The following NR3C2 variants were observed in gnomAD, a reference collection of about 807,000 sequenced individuals.
The protein encoded by NR3C2 is nuclear receptor subfamily 3 group C member 2.
In NR3C2, 15 loss-of-function variants were observed where a neutral mutation model predicts 86.4. That is an observed-to-expected ratio of 0.17 (90% CI 0.12 to 0.27). The LOEUF (loss-of-function observed/expected upper bound fraction) is 0.27. Among genes scored for constraint, NR3C2 ranks in the 10% least tolerant of loss-of-function variants. The probability of loss-of-function intolerance (pLI) is 1.00; values close to 1 mark genes in which losing one functional copy is unlikely to be tolerated. For missense variants in NR3C2, 960 were observed against 1,195.6 expected (o/e 0.80, Z 2.91); for synonymous variants, 458 against 450.5 (o/e 1.02, Z -0.21).
intron 8 of NR3C2, among the ~76,000 whole-genome samples, chr4:148,109,718 G>A (rs1169580573): frequency 6.6e-6 from 1 of 152,168 alleles, no homozygotes; most frequent in East Asian, 1.9e-4. Flanking sequence ...CAGGGGTCAG[G>A]TTGCTATCTT....
intron 4 of NR3C2, among the ~76,000 whole-genome samples, chr4:148,180,747 A>G (rs1560963523): frequency 1.3e-5 from 2 of 152,162 alleles, no homozygotes; most frequent in Non-Finnish European, 2.9e-5. Flanking sequence ...TTCTTTTTTC[A>G]GAAGCTGTTC....
intron 2 of NR3C2, among the ~76,000 whole-genome samples, chr4:148,320,030 T>C (rs187017268): frequency 8.5e-4 from 125 of 146,622 alleles, no homozygotes; most frequent in Non-Finnish European, 3.6e-4. Flanking sequence ...AGATAGCTCC[T>C]ATTATTTTGA....
At chr4:148,325,159 T>C (rs928320161) in intron 2 of NR3C2, among the ~76,000 whole-genome samples, 10 of 151,886 alleles carry the variant, frequency 6.6e-5, no homozygotes, top group Non-Finnish European at 1.3e-4. Flanking sequence ...AGACAGAGTG[T>C]GTGTGTGTGG....
chr4:148,095,891 T>C (rs1247693453), intron 8 of NR3C2, among the ~76,000 whole-genome samples: 1 of 152,212 alleles, frequency 6.6e-6, no homozygotes, highest in Non-Finnish European at 1.5e-5. Flanking sequence ...TAGCATCTGA[T>C]TGTTATTGAG....
intron 2 of NR3C2, among the ~76,000 whole-genome samples, chr4:148,420,955 G>T (rs1749252741): frequency 6.6e-6 from 1 of 152,148 alleles, no homozygotes; most frequent in African/African-American, 2.4e-5. Context: ...TGTACAGCCT[G>T]CAGAAGTACG....
intron 2 of NR3C2, among the ~76,000 whole-genome samples, chr4:148,377,709 T>C (rs1197139987): frequency 6.6e-6 from 1 of 152,182 alleles, no homozygotes; most frequent in Non-Finnish European, 1.5e-5. Context: ...TCATGGGAGC[T>C]TGAATACTAA....
At chr4:148,326,664 T>C (rs555326331) in intron 2 of NR3C2, among the ~76,000 whole-genome samples, 1 of 152,036 alleles carries the variant, frequency 6.6e-6, no homozygotes, top group South Asian at 2.1e-4. Flanking sequence ...CTTTAGGGCT[T>C]GCAGGATTTT....
At chr4:148,273,450 C>T (rs1228179205) in intron 2 of NR3C2, among the ~76,000 whole-genome samples, 1 of 152,112 alleles carries the variant, frequency 6.6e-6, no homozygotes, top group East Asian at 1.9e-4. Context: ...AATTACCAAG[C>T]TTTAAAGATT....
At chr4:148,403,614 A>G (rs1016658976) in intron 2 of NR3C2, among the ~76,000 whole-genome samples, 2 of 152,092 alleles carry the variant, frequency 1.3e-5, no homozygotes, top group African/African-American at 2.4e-5. Context: ...GCAGAGCCAG[A>G]TACTGATTTT....
At chr4:148,114,627 GGTCT>G (rs1732192065) in intron 7 of NR3C2, among the ~76,000 whole-genome samples, 1 of 152,192 alleles carries the variant, frequency 6.6e-6, no homozygotes, top group Non-Finnish European at 1.5e-5. Context: ...ATTCAACTTA[GGTCT>G]GTCTGTTTCC....
intron 3 of NR3C2, among the ~76,000 whole-genome samples, chr4:148,256,196 C>G (rs1310804138): frequency 6.6e-6 from 1 of 152,132 alleles, no homozygotes; most frequent in East Asian, 1.9e-4. Context: ...TCCACAGATC[C>G]CCATTCTCCA....
chr4:148,282,544 C>G lies in NR3C2; in HGVS notation c.1758-22427G>C, dbSNP rs199735604. Among the ~76,000 whole-genome samples, 5 of 152,240 alleles carry G rather than the reference C, an allele frequency of 3.3e-5. No homozygotes were observed. In the East Asian group the frequency reaches 9.6e-4, roughly 29 times the overall value. On this transcript the variant is annotated intron_variant, in intron 2 of 8. Coordinates refer to ENST00000358102, the MANE Select transcript of NR3C2 (RefSeq NM_000901.5). ...AAAGTCAGTCTATTCCTGCAACAAACATTCATTGAACAAGTTGTGTTAGCA... is the reference window on the plus strand; with the variant it reads ...AAAGTCAGTCTATTCCTGCAACAAAGATTCATTGAACAAGTTGTGTTAGCA...
chr4:148,111,254 G>A (rs150789233), intron 8 of NR3C2, among the ~76,000 whole-genome samples: 1,814 of 152,264 alleles, frequency 0.012, 16 homozygotes, highest in Non-Finnish European at 0.02. Flanking sequence ...CAATCTTTTC[G>A]TAAGTGAAAA....
intron 2 of NR3C2, among the ~76,000 whole-genome samples, chr4:148,334,805 C>A (rs974733196): frequency 6.6e-6 from 1 of 152,154 alleles, no homozygotes; most frequent in African/African-American, 2.4e-5. Flanking sequence ...ACTTTAGAGG[C>A]TAGAAGTCCG....
intron 2 of NR3C2, among the ~76,000 whole-genome samples, chr4:148,317,056 G>A (rs1743226188): frequency 6.6e-6 from 1 of 152,170 alleles, no homozygotes; most frequent in Admixed American, 6.5e-5. Context: ...GCCACCCAAA[G>A]TGCTGGGATT....
upstream of NR3C2, chr4:148,445,052 G>C (rs1750515447): frequency 3.1e-6 from 3 of 961,466 alleles, no homozygotes; most frequent in Non-Finnish European, 3.7e-6. Flanking sequence ...CACCGCGTCC[G>C]GCCACCCGCG....
intron 6 of NR3C2, among the ~76,000 whole-genome samples, chr4:148,150,533 C>T (rs1386962573): frequency 6.6e-6 from 1 of 152,076 alleles, no homozygotes; most frequent in Non-Finnish European, 1.5e-5. Flanking sequence ...GTGAAATCAC[C>T]AAAAGGCATA....
chr4:148,143,003 T>G (rs77963845), intron 6 of NR3C2, among the ~76,000 whole-genome samples: 4,831 of 152,318 alleles, frequency 0.032, 249 homozygotes, highest in African/African-American at 0.11. Flanking sequence ...CAGATGCAGA[T>G]GCCGGTGCTA....
intron 4 of NR3C2, among the ~76,000 whole-genome samples, chr4:148,171,632 C>T (rs1370366158): frequency 6.6e-6 from 1 of 152,230 alleles, no homozygotes; most frequent in Non-Finnish European, 1.5e-5. Flanking sequence ...GCTGATCTGA[C>T]AGAAGGCGGC....
Sources: gnomAD v4.1 joint callset for allele counts (sites outside exome capture counted in the v4.1 genomes callset) on GRCh38, gnomAD v4.1.1 for gene constraint, MANE v1.5 for transcripts, NCBI Gene and HGNC (gene_info 2026-07-23, HGNC 2026-07-21) for gene names.